PCDH9: variants seen among roughly 807,000 people sequenced by gnomAD.
PCDH9 encodes protocadherin-9.
A neutral mutation model predicts 70.6 loss-of-function variants in PCDH9; 24 were observed. The observed-to-expected ratio is 0.34, with a 90% CI of 0.25 to 0.48. The LOEUF is 0.48. PCDH9 is among the 20% of genes least tolerant of loss of function. PCDH9 has a pLI of 0.99. For synonymous variants in PCDH9, 562 were observed against 558.5 expected (o/e 1.01, Z -0.09); for missense variants, 1,281 against 1,503.6 (o/e 0.85, Z 2.45).
At chr13:66,709,777 G>T (rs1056224040) in intron 3 of PCDH9, among the ~76,000 whole-genome samples, 1 of 152,136 alleles carries the variant, frequency 6.6e-6, no homozygotes, top group Admixed American at 6.5e-5. Context: ...CTAAGGCTGT[G>T]ATACAGAACA....
At chr13:67,078,422 C>A (rs552174585) in intron 2 of PCDH9, among the ~76,000 whole-genome samples, 1 of 152,270 alleles carries the variant, frequency 6.6e-6, no homozygotes, top group Non-Finnish European at 1.5e-5. Context: ...TCAATGAATG[C>A]CTTGTAGGTC....
intron 2 of PCDH9, among the ~76,000 whole-genome samples, chr13:67,099,908 G>C (rs1594510899): frequency 6.6e-6 from 1 of 152,140 alleles, no homozygotes; most frequent in Non-Finnish European, 1.5e-5. Context: ...AAGAGACAAT[G>C]AAATATAATA....
At chr13:66,600,643 T>G (rs2077154038) in intron 4 of PCDH9, among the ~76,000 whole-genome samples, 1 of 147,614 alleles carries the variant, frequency 6.8e-6, no homozygotes, top group South Asian at 2.1e-4. Context: ...GTGCTTTATA[T>G]TTTATTAACA....
chr13:67,226,715 G>A lies in PCDH9; in HGVS notation c.1726C>T (p.His576Tyr). Residue 576 changes from histidine to tyrosine, a missense_variant, in exon 2 of 5, where the codon CAT becomes TAT. Coordinates refer to ENST00000377865, the MANE Select transcript of PCDH9 (RefSeq NM_203487.3). This position sits in a 1 kb window ranked among gnomAD's most constrained non-coding sequence, Gnocchi z 5.0. ...NDNSPKFTHNHFQFFVSENLP... is the reference protein window; with the variant it reads ...NDNSPKFTHNYFQFFVSENLP... ...TTCTCAGACACAAAAAATTGAAAAT[G>A]ATTATGAGTAAACTTGGGGCTATTG... 1 of 1,614,096 alleles carries A rather than the reference G, an allele frequency of 6.2e-7. No individual in the cohort carries two copies. Among genetic ancestry groups the A allele is most frequent in the Admixed American group, 1.7e-5 (1 of 60,014 alleles).
At chr13:66,648,369 C>A (rs2138983351) in intron 3 of PCDH9, among the ~76,000 whole-genome samples, 1 of 152,304 alleles carries the variant, frequency 6.6e-6, no homozygotes, top group East Asian at 1.9e-4. Context: ...AAGAGAGAGA[C>A]TCCATTTGTT....
At chr13:66,636,267 T>C (rs1486785256) in intron 3 of PCDH9, among the ~76,000 whole-genome samples, 1 of 152,178 alleles carries the variant, frequency 6.6e-6, no homozygotes, top group African/African-American at 2.4e-5. Flanking sequence ...TCATCACTTA[T>C]AGAAAATTAG....
At chr13:67,167,981 C>A (rs2088170344) in intron 2 of PCDH9, among the ~76,000 whole-genome samples, 1 of 152,020 alleles carries the variant, frequency 6.6e-6, no homozygotes, top group Non-Finnish European at 1.5e-5. Flanking sequence ...GGACACATGC[C>A]CACTATTTCA....
At chr13:67,002,983 T>A (rs979526281) in intron 2 of PCDH9, among the ~76,000 whole-genome samples, 14 of 151,022 alleles carry the variant, frequency 9.3e-5, no homozygotes, top group African/African-American at 3.5e-4. Context: ...GGCTTTTTTT[T>A]AATTTGTTTG....
chr13:67,039,136 T>A (rs529127897), intron 2 of PCDH9, among the ~76,000 whole-genome samples: 30 of 152,180 alleles, frequency 2.0e-4, no homozygotes, highest in African/African-American at 7.0e-4. Context: ...GACTCTTATA[T>A]TGGAGATCCT....
chr13:66,417,513 A>G (rs982747932), intron 4 of PCDH9, among the ~76,000 whole-genome samples: 2 of 152,146 alleles, frequency 1.3e-5, no homozygotes, highest in African/African-American at 4.8e-5. Context: ...TTTATAGTAG[A>G]ATGATTTATA....
At chr13:66,346,226 A>AAAAGTAGT in intron 4 of PCDH9, among the ~76,000 whole-genome samples, 1 of 152,306 alleles carries the variant, frequency 6.6e-6, no homozygotes, top group East Asian at 1.9e-4. Context: ...ACAAAACAAC[A>AAAAGTAGT]AGCATTTCTT....
chr13:66,522,118 C>T (rs1960022866), intron 4 of PCDH9, among the ~76,000 whole-genome samples: 1 of 149,894 alleles, frequency 6.7e-6, no homozygotes, highest in Admixed American at 6.7e-5. Flanking sequence ...CCTCCTTTGG[C>T]TATACTTTAA....
intron 2 of PCDH9, among the ~76,000 whole-genome samples, chr13:67,035,490 T>C (rs2084991973): frequency 6.6e-6 from 1 of 151,646 alleles, no homozygotes; most frequent in South Asian, 2.1e-4. Flanking sequence ...ACTTTGTGAG[T>C]CTTTTAAAAT....
At chr13:67,217,402 A>T (rs1160294950) in intron 2 of PCDH9, 1 of 152,086 alleles carries the variant, frequency 6.6e-6, no homozygotes, top group Non-Finnish European at 1.5e-5. Flanking sequence ...CATATGGATT[A>T]CACACTTTTT....
At chr13:66,904,154 T>G (rs1455826505) in intron 2 of PCDH9, among the ~76,000 whole-genome samples, 2 of 151,888 alleles carry the variant, frequency 1.3e-5, no homozygotes, top group Non-Finnish European at 2.9e-5. Flanking sequence ...AAAACAGAAG[T>G]GTAGTGTCTT....
intron 2 of PCDH9, among the ~76,000 whole-genome samples, chr13:67,098,299 T>C (rs901410534): frequency 1.3e-5 from 2 of 152,168 alleles, no homozygotes; most frequent in African/African-American, 4.8e-5. Context: ...TGTTAAGTAA[T>C]GGAACTAAGA....
chr13:66,715,066 A>T (rs1424452430), intron 3 of PCDH9, among the ~76,000 whole-genome samples: 1 of 152,182 alleles, frequency 6.6e-6, no homozygotes, highest in African/African-American at 2.4e-5. Flanking sequence ...ATAAAAAATT[A>T]GTATTTTTGA....
In PCDH9 at chr13:66,411,440, C is replaced by T. The variant is rs1354999526; in HGVS notation, c.3341-106412G>A. Among the ~76,000 whole-genome samples, 5 of 152,270 alleles carry T rather than the reference C, an allele frequency of 3.3e-5. No homozygotes were observed. In the East Asian group the frequency reaches 5.8e-4, roughly 18 times the overall value. ...CAGCTGGGACTACAGGTGCATCCCA[C>T]CACATCCAGCTAATTAATTTTTTTT... On this transcript the variant is annotated intron_variant, in intron 4 of 4. Transcript: ENST00000377865.
intron 4 of PCDH9, among the ~76,000 whole-genome samples, chr13:66,596,586 G>A (rs77020646): frequency 0.034 from 5,126 of 151,516 alleles, 308 homozygotes; most frequent in African/African-American, 0.12. Context: ...AATTTTACAT[G>A]TGACCAACAT....
Sources: allele counts gnomAD v4.1 joint callset (sites outside exome capture counted in the v4.1 genomes callset), GRCh38; gene constraint gnomAD v4.1.1; non-coding constraint Gnocchi (gnomAD v3.1); transcripts MANE v1.5; gene names NCBI Gene and HGNC (gene_info 2026-07-23, HGNC 2026-07-21).